Variants in ZC3H12B observed in about 807,000 individuals in gnomAD.
ZC3H12B encodes the protein probable ribonuclease ZC3H12B.
ZC3H12B carries 7 observed loss-of-function variants against 43.9 expected under a neutral mutation model. The observed-to-expected ratio is 0.16, with a 90% CI of 0.09 to 0.30. The LOEUF is 0.30. ZC3H12B is among the 10% of genes least tolerant of loss of function. ZC3H12B has a pLI of 1.00. For synonymous variants in ZC3H12B, 222 were observed against 241.7 expected, an observed-to-expected ratio of 0.92 and a Z score of 0.76; for missense variants, 475 against 670.2, an observed-to-expected ratio of 0.71 and a Z score of 3.22.
At chrX:65,317,805 TAC>T in the ZC3H12B span, among the ~76,000 whole-genome samples, 3 of 102,487 alleles carry the variant, frequency 2.9e-5, no homozygotes, top group Non-Finnish European at 3.9e-5. Flanking sequence ...CACACACATA[TAC>T]ACACACTATA....
intron 3 of ZC3H12B, 64 bp from the exon 9 acceptor site, chrX:65,499,819 G>T (rs1346934077): frequency 1.1e-6 from 1 of 932,685 alleles, no homozygotes; most frequent in East Asian, 3.1e-5. Context: ...ATGAAAATCT[G>T]AACTCCTAGT....
At chrX:65,234,693 G>A in the ZC3H12B span, among the ~76,000 whole-genome samples, 13 of 112,593 alleles carry the variant, frequency 1.2e-4, no homozygotes, top group African/African-American at 4.2e-4. Context: ...TACAAAATCA[G>A]TAGCATTTAT....
chrX:65,186,940 G>A, the ZC3H12B span, among the ~76,000 whole-genome samples: 1 of 111,709 alleles, frequency 9.0e-6, no homozygotes, highest in African/African-American at 3.3e-5. Flanking sequence ...TTGATTGGTG[G>A]GCATTTGGGC....
intron 2 of ZC3H12B, among the ~76,000 whole-genome samples, chrX:65,377,955 C>T (rs1005136397): frequency 4.5e-5 from 5 of 110,262 alleles, no homozygotes; most frequent in African/African-American, 1.3e-4. Context: ...AAAAATTAAC[C>T]GGGCATGGTG....
Position 65,373,593 on chromosome X carries a change from G to A in ZC3H12B, n.295+4595G>A, listed in dbSNP as rs1419228788. Among the ~76,000 whole-genome samples the A allele has an allele frequency of 2.8e-5, 3 of 107,538 alleles. No homozygotes were observed. The East Asian group carries it at 8.9e-4, about 32-fold the overall frequency. 93.4% of individuals were successfully genotyped at this position (107,538 alleles called of 115,157 possible). ...AGGATGAGTTCATGTCCTTTGTAGG[G>A]ACATGGATGAAGCTGGAAACCATCA... On this transcript the variant is annotated intron_variant and non_coding_transcript_variant, in intron 2 of 5. Transcript: ENST00000617377.
At chrX:65,409,838 C>A (rs978480831) in intron 3 of ZC3H12B, among the ~76,000 whole-genome samples, 3 of 111,065 alleles carry the variant, frequency 2.7e-5, no homozygotes, top group Non-Finnish European at 5.7e-5. Flanking sequence ...GAAAGACATT[C>A]CATGTTCATC....
the ZC3H12B span, among the ~76,000 whole-genome samples, chrX:65,246,036 A>C: frequency 8.9e-6 from 1 of 112,140 alleles, no homozygotes; most frequent in Non-Finnish European, 1.9e-5. Flanking sequence ...CCCAAAAGGT[A>C]CTTAAGCTGA....
At chrX:65,387,887 C>G (rs1218673826) in intron 2 of ZC3H12B, among the ~76,000 whole-genome samples, 5,127 of 85,776 alleles carry the variant, frequency 0.06, no homozygotes, top group African/African-American at 0.13. Flanking sequence ...TTTTATTTCT[C>G]CTTCACTTAT....
intron 3 of ZC3H12B, among the ~76,000 whole-genome samples, chrX:65,413,754 G>T (rs1397069790): frequency 2.7e-5 from 3 of 111,511 alleles, no homozygotes; most frequent in Non-Finnish European, 5.7e-5. Flanking sequence ...GATTTTTTTT[G>T]TGTGTGGCTA....
At chrX:65,312,903 A>G in the ZC3H12B span, among the ~76,000 whole-genome samples, 1 of 110,814 alleles carries the variant, frequency 9.0e-6, no homozygotes, top group South Asian at 3.8e-4. Flanking sequence ...GTTTTTTGAG[A>G]CAGATTCTCA....
the ZC3H12B span, among the ~76,000 whole-genome samples, chrX:65,312,938 G>A: frequency 9.9e-5 from 11 of 111,665 alleles, no homozygotes; most frequent in African/African-American, 3.3e-4. Flanking sequence ...CTGGAGTGCA[G>A]TGGTGCAATC....
the ZC3H12B span, among the ~76,000 whole-genome samples, chrX:65,251,523 C>T: frequency 4.7e-4 from 52 of 111,400 alleles, no homozygotes; most frequent in African/African-American, 1.6e-3. Context: ...TATAAATTAC[C>T]TTGGACCGTA....
chrX:65,378,090 C>G (rs2066373740), intron 2 of ZC3H12B, among the ~76,000 whole-genome samples: 1 of 109,090 alleles, frequency 9.2e-6, no homozygotes, highest in African/African-American at 3.3e-5. Flanking sequence ...CAGAGCGAGA[C>G]TCCATCTCAA....
chrX:65,334,622 G>T, the ZC3H12B span, among the ~76,000 whole-genome samples: 1 of 111,636 alleles, frequency 9.0e-6, no homozygotes, highest in Non-Finnish European at 1.9e-5. Context: ...ACATATAAAT[G>T]CAGAGAGAGA....
At chrX:65,239,622 T>C in the ZC3H12B span, among the ~76,000 whole-genome samples, 7 of 112,231 alleles carry the variant, frequency 6.2e-5, no homozygotes, top group East Asian at 2.0e-3. Flanking sequence ...CATGTTATGA[T>C]GGTAGCTGTT....
intron 3 of ZC3H12B, among the ~76,000 whole-genome samples, chrX:65,437,221 G>T (rs1180316073): frequency 9.0e-6 from 1 of 111,144 alleles, no homozygotes; most frequent in African/African-American, 3.3e-5. Flanking sequence ...CAAAGTGCTG[G>T]GATTACAGGT....
chrX:65,463,541 T>A (rs1035269489), intron 3 of ZC3H12B, among the ~76,000 whole-genome samples: 4 of 111,614 alleles, frequency 3.6e-5, no homozygotes, highest in Admixed American at 9.6e-5. Flanking sequence ...AGGCCAGAAG[T>A]CTGAAATCTA....
At chrX:65,378,422 T>C (rs1320120331) in intron 2 of ZC3H12B, among the ~76,000 whole-genome samples, 1 of 111,361 alleles carries the variant, frequency 9.0e-6, no homozygotes, top group African/African-American at 3.3e-5. Flanking sequence ...TAAGATAGTA[T>C]TTGCAAGCCT....
the ZC3H12B span, among the ~76,000 whole-genome samples, chrX:65,058,844 C>T: frequency 1.7e-4 from 19 of 112,109 alleles, no homozygotes; most frequent in African/African-American, 4.2e-4. Flanking sequence ...TAGCAATGAG[C>T]GAGGCTTCGT....
Sources: gnomAD v4.1 joint callset for allele counts (sites outside exome capture counted in the v4.1 genomes callset) on GRCh38, gnomAD v4.1.1 for gene constraint, MANE v1.5 for transcripts, NCBI Gene and HGNC (gene_info 2026-07-23, HGNC 2026-07-21) for gene names.